The following POLR1B variants were observed in gnomAD, a reference collection of about 807,000 sequenced individuals.
POLR1B encodes the protein RNA polymerase I subunit B.
POLR1B carries 30 observed loss-of-function variants against 105.8 expected under a neutral mutation model. That is an observed-to-expected ratio of 0.28 (90% CI 0.21 to 0.38). The LOEUF (loss-of-function observed/expected upper bound fraction) is 0.38, where lower values mean the gene tolerates loss of function less well. POLR1B is among the 10% of genes least tolerant of loss of function. The pLI is 1.00. For missense variants in POLR1B, 976 were observed against 1,435.8 expected, an observed-to-expected ratio of 0.68 and a Z score of 5.17; for synonymous variants, 485 against 505.1, an observed-to-expected ratio of 0.96 and a Z score of 0.53.
rs867385638 is a variant in POLR1B, at chr2:112,578,645, A to G, written c.*2916A>G. 7.5e-4 allele frequency among the ~76,000 whole-genome samples: 115 copies of G among 152,346 alleles called. No individual in the cohort carries two copies. The highest frequency in any genetic ancestry group is 2.7e-3 in the African/African-American group (111 of 41,580). On this transcript the variant is annotated 3_prime_UTR_variant, in exon 15 of 15. Coordinates refer to ENST00000263331, the MANE Select transcript of POLR1B (RefSeq NM_019014.6). ...ATAAAGCTGATCTGAACAATCAGGTATAATAGTCCCCCTTTATCTTTGAAG... is the reference window on the plus strand; with the variant it reads ...ATAAAGCTGATCTGAACAATCAGGTGTAATAGTCCCCCTTTATCTTTGAAG...
rs1448556721 is a variant in POLR1B at position 112,577,806 on chromosome 2, T to G, written c.*2077T>G. Among the ~76,000 whole-genome samples, 1 of 121,338 alleles carries G rather than the reference T, an allele frequency of 8.2e-6. No homozygotes were observed. Among genetic ancestry groups the G allele is most frequent in the Admixed American group, 1.1e-4 (1 of 9,424 alleles). 79.6% of individuals were successfully genotyped at this position (121,338 alleles called of 152,430 possible). A position where few individuals can be genotyped will look rare whatever the true frequency, so the allele number is the denominator to read the frequency against. On this transcript the variant is annotated 3_prime_UTR_variant, in exon 15 of 15. Transcript: ENST00000263331. ...AAGATTGTGCCACCACACTCCAGCC[T>G]GGGCGACAGAATGAGACCCTGTCTC...
At chr2:112,571,557 C>T (rs1482362533) in intron 12 of POLR1B, among the ~76,000 whole-genome samples, 1 of 152,172 alleles carries the variant, frequency 6.6e-6, no homozygotes, top group African/African-American at 2.4e-5. Flanking sequence ...GAAGTACATT[C>T]TTCAGCCTTA....
rs564688801 is a variant in POLR1B at position 112,572,696 on chromosome 2, A to G, written c.2209A>G (p.Ile737Val). 1.5e-5 allele frequency: 24 copies of G among 1,613,048 alleles called. No homozygotes were observed. The highest frequency in any genetic ancestry group is 3.3e-4 in the Middle Eastern group (2 of 6,060). ...YDYYDMDNYP[I>V]GTNAIVAVIS... ...TTATTATGACATGGATAACTATCCA[A>G]TTGGGACCAATGCCATCGTTGCTGT... Residue 737 changes from isoleucine to valine, a missense_variant, in exon 13 of 15, where the codon ATT becomes GTT. Ile to Val is a conservative substitution (Grantham distance 29). Transcript: ENST00000263331.
chr2:112,566,329 A>C (rs1239793562), intron 10 of POLR1B, among the ~76,000 whole-genome samples: 3 of 152,168 alleles, frequency 2.0e-5, no homozygotes, highest in Non-Finnish European at 1.5e-5. Context: ...GTTGAAAGCT[A>C]TGTGGAGCCC....
intron 8 of POLR1B, among the ~76,000 whole-genome samples, chr2:112,558,522 C>G (rs1046893385): frequency 6.6e-6 from 1 of 152,126 alleles, no homozygotes; most frequent in Non-Finnish European, 1.5e-5. Context: ...TGTGATTGCA[C>G]CACTGTACTC....
chr2:112,568,298 A>G (rs894788414), intron 11 of POLR1B, among the ~76,000 whole-genome samples, 161 bp downstream of exon 11: 6 of 152,230 alleles, frequency 3.9e-5, no homozygotes. Context: ...TGATCAGCAC[A>G]GAGCAATTTC....
At chr2:112,551,112 A>G in intron 5 of POLR1B, 110 bp downstream of exon 5, 1 of 1,086,894 alleles carries the variant, frequency 9.2e-7, no homozygotes, top group Non-Finnish European at 1.3e-6. Context: ...CTAGTTGTCT[A>G]CTGCTCCAAA....
chr2:112,574,446 A>C (rs1684756689), intron 14 of POLR1B, among the ~76,000 whole-genome samples: 1 of 152,196 alleles, frequency 6.6e-6, no homozygotes. Context: ...CAGGCCAGGC[A>C]CAGTAGTTCA....
At chr2:112,556,328 A>G (rs1039478751) in intron 7 of POLR1B, among the ~76,000 whole-genome samples, 1 of 152,204 alleles carries the variant, frequency 6.6e-6, no homozygotes, top group Non-Finnish European at 1.5e-5. Context: ...TTATCTGTAC[A>G]TTACAGATTT....
intron 4 of POLR1B, 24 bp from the exon 5 acceptor site, chr2:112,550,841 AT>A: frequency 6.2e-7 from 1 of 1,609,936 alleles, no homozygotes; most frequent in Non-Finnish European, 8.5e-7. Flanking sequence ...TGAGTTTCTG[AT>A]TTTTTTGTTG....
intron 8 of POLR1B, among the ~76,000 whole-genome samples, chr2:112,558,380 C>T (rs2104538945): frequency 6.6e-6 from 1 of 152,220 alleles, no homozygotes; most frequent in East Asian, 2.0e-4. Context: ...ACATGCCCAT[C>T]TCTAAACCAT....
At chr2:112,569,667 C>T (rs566672142) in intron 12 of POLR1B, among the ~76,000 whole-genome samples, 112 of 150,942 alleles carry the variant, frequency 7.4e-4, no homozygotes, top group African/African-American at 2.6e-3. Flanking sequence ...TCAAGTGATT[C>T]TCCTGCTTCA....
At chr2:112,568,995 A>G (rs993347459) in intron 12 of POLR1B, 93 bp downstream of exon 12, 3 of 1,316,094 alleles carry the variant, frequency 2.3e-6, no homozygotes, top group Admixed American at 5.8e-5. Flanking sequence ...TATGCTGACC[A>G]TTTGTTCCAA....
intron 9 of POLR1B, among the ~76,000 whole-genome samples, chr2:112,563,381 G>T (rs920950113): frequency 1.3e-5 from 2 of 152,212 alleles, no homozygotes; most frequent in East Asian, 3.9e-4. Context: ...AATAAAACAA[G>T]TTTGCGACAC....
chr2:112,547,588 A>C, intron 3 of POLR1B, 21 bp downstream of exon 3: 1 of 1,611,922 alleles, frequency 6.2e-7, no homozygotes, highest in South Asian at 1.1e-5. Context: ...GCGTCCAGGC[A>C]TGAGACAGTA....
At chr2:112,550,798 G>A in intron 4 of POLR1B, 68 bp from the exon 5 acceptor site, 1 of 1,529,432 alleles carries the variant, frequency 6.5e-7, no homozygotes, top group Non-Finnish European at 9.0e-7. Context: ...AGATTGTTCA[G>A]AAAGAAAATG....
chr2:112,542,380 C>T, upstream of POLR1B: 2 of 1,604,928 alleles, frequency 1.2e-6, no homozygotes, highest in Non-Finnish European at 1.7e-6. Context: ...CGAGAGGGAA[C>T]TACATTTCCC....
intron 9 of POLR1B, among the ~76,000 whole-genome samples, chr2:112,563,992 C>T (rs915503012): frequency 1.3e-5 from 2 of 152,190 alleles, no homozygotes; most frequent in Non-Finnish European, 2.9e-5. Flanking sequence ...TCACTCATAG[C>T]TTCAGGCTCT....
chr2:112,572,500 T>C, intron 12 of POLR1B, 62 bp from the exon 13 acceptor site: 2 of 1,243,882 alleles, frequency 1.6e-6, no homozygotes, highest in African/African-American at 1.5e-5. Flanking sequence ...CAGTGTTGCG[T>C]ATCACACCTA....
Sources: allele counts gnomAD v4.1 joint callset (sites outside exome capture counted in the v4.1 genomes callset), GRCh38; gene constraint gnomAD v4.1.1; transcripts MANE v1.5; gene names NCBI Gene and HGNC (gene_info 2026-07-23, HGNC 2026-07-21).